Variants in IQCM observed in about 807,000 individuals in gnomAD.
IQCM encodes the protein IQ motif containing M.
In IQCM, 45 loss-of-function variants were observed where a neutral mutation model predicts 57.6. That is an observed-to-expected ratio of 0.78 (90% CI 0.62 to 1.00). IQCM has a LOEUF of 1.00. Among genes scored for constraint, IQCM ranks in the 50% least tolerant of loss-of-function variants. IQCM has a pLI of 0.00. For synonymous variants in IQCM, 148 were observed against 158.9 expected (o/e 0.93, Z 0.51); for missense variants, 468 against 511.6 (o/e 0.91, Z 0.82).
intron 12 of IQCM, among the ~76,000 whole-genome samples, chr4:149,454,337 G>A (rs889796072): frequency 6.6e-6 from 1 of 151,516 alleles, no homozygotes; most frequent in African/African-American, 2.4e-5. Flanking sequence ...CAGAGCTGGG[G>A]GCCATTATCC....
At chr4:149,555,753 G>A (rs1055431565) in intron 10 of IQCM, among the ~76,000 whole-genome samples, 1 of 152,140 alleles carries the variant, frequency 6.6e-6, no homozygotes, top group African/African-American at 2.4e-5. Flanking sequence ...AACCTGAATA[G>A]AAAAGTTCCC....
At position 149,658,030 on chromosome 4, in the gene IQCM, T is replaced by A. The variant is rs190993579; in HGVS notation, c.565+24088A>T. On this transcript the variant is annotated intron_variant, in intron 7 of 13. Transcript: ENST00000636793. ...AAAGCTTTTCAATTTGATGTAATCA[T>A]ATTTGGTTTTTTTTTGCTTTTGTTC... is the stretch of plus-strand genomic sequence containing the variant. Among the ~76,000 whole-genome samples, 86 of 152,176 alleles carry A rather than the reference T, an allele frequency of 5.7e-4. 3 individuals are homozygous for A. Among genetic ancestry groups the A allele is most frequent in the African/African-American group, 2.0e-3 (81 of 41,520 alleles).
intron 13 of IQCM, among the ~76,000 whole-genome samples, chr4:149,369,731 G>T (rs1252625805): frequency 6.6e-6 from 1 of 152,060 alleles, no homozygotes; most frequent in Non-Finnish European, 1.5e-5. Flanking sequence ...CAGCAAAGAA[G>T]GTTCAAACCA....
chr4:149,728,097 T>C (rs1411547211), intron 5 of IQCM, among the ~76,000 whole-genome samples: 1 of 152,214 alleles, frequency 6.6e-6, no homozygotes, highest in Non-Finnish European at 1.5e-5. Flanking sequence ...TCTGTTCTTA[T>C]ACAGTCTCAG....
At chr4:149,802,836 C>G (rs908688909) in intron 2 of IQCM, among the ~76,000 whole-genome samples, 7 of 151,872 alleles carry the variant, frequency 4.6e-5, no homozygotes, top group Non-Finnish European at 1.0e-4. Flanking sequence ...TCTGGTAATT[C>G]TTAACACCCC....
intron 5 of IQCM, among the ~76,000 whole-genome samples, chr4:149,712,426 A>G (rs1397300605): frequency 6.6e-6 from 1 of 151,942 alleles, no homozygotes; most frequent in Non-Finnish European, 1.5e-5. Context: ...TAACAGAAGT[A>G]CCCCCTCCAT....
intron 12 of IQCM, among the ~76,000 whole-genome samples, chr4:149,543,454 C>A (rs188467896): frequency 6.6e-6 from 1 of 151,734 alleles, no homozygotes; most frequent in Non-Finnish European, 1.5e-5. Context: ...TGAGAATATG[C>A]GGTGTTTGGT....
rs747635374 is a variant in IQCM, at chr4:149,618,415, GA to G, written c.681+2713del. 3.4e-4 allele frequency among the ~76,000 whole-genome samples: 52 copies of G among 152,088 alleles called. No homozygotes were observed. The Middle Eastern group carries it at 0.014, about 40-fold the overall frequency. The stretch of plus-strand genomic sequence containing the variant: ...ATAAAAATCCTAGAAGAAAACCTAG[GA>G]AAAAGTCTTCTGGACATTGGCCTAG... On this transcript the variant is annotated intron_variant, in intron 8 of 13. Transcript: ENST00000636793.
At chr4:149,752,324 G>T (rs546261492) in intron 2 of IQCM, among the ~76,000 whole-genome samples, 49 of 152,240 alleles carry the variant, frequency 3.2e-4, no homozygotes, top group African/African-American at 1.1e-3. Flanking sequence ...GGCTGAGGAA[G>T]GTGGATCACC....
intron 12 of IQCM, among the ~76,000 whole-genome samples, chr4:149,514,020 T>C (rs1744694752): frequency 6.6e-6 from 1 of 152,124 alleles, no homozygotes; most frequent in South Asian, 2.1e-4. Context: ...TTATGTTTGT[T>C]TTATGTGTCA....
At chr4:149,405,670 T>TGCTTCTGAAATAGCTCTGAATA (rs1191929303) in intron 13 of IQCM, among the ~76,000 whole-genome samples, 1 of 151,850 alleles carries the variant, frequency 6.6e-6, no homozygotes, top group African/African-American at 2.4e-5. Flanking sequence ...TGTTGAAATA[T>TGCTTCTGAAATAGCTCTGAATA]GCTTCTGAAA....
chr4:149,657,504 C>T, intron 7 of IQCM, among the ~76,000 whole-genome samples: 1 of 152,078 alleles, frequency 6.6e-6, no homozygotes, highest in East Asian at 1.9e-4. Flanking sequence ...AGACAGAATT[C>T]ATCTCCTGTG....
At chr4:149,571,030 C>T (rs955248253) in intron 9 of IQCM, among the ~76,000 whole-genome samples, 1 of 151,954 alleles carries the variant, frequency 6.6e-6, no homozygotes, top group Non-Finnish European at 1.5e-5. Flanking sequence ...ACAGGGAACC[C>T]CTGCACACTG....
chr4:149,376,385 A>T (rs1730701266), intron 13 of IQCM, among the ~76,000 whole-genome samples: 1 of 152,130 alleles, frequency 6.6e-6, no homozygotes, highest in Non-Finnish European at 1.5e-5. Flanking sequence ...GGGATTTTAT[A>T]AAAAGACTGA....
At chr4:149,511,006 A>C (rs1251201072) in intron 12 of IQCM, among the ~76,000 whole-genome samples, 1 of 152,144 alleles carries the variant, frequency 6.6e-6, no homozygotes, top group African/African-American at 2.4e-5. Flanking sequence ...TAAACTTTTG[A>C]GTTTCTTTCC....
At chr4:149,520,377 C>G (rs1661188803) in intron 12 of IQCM, among the ~76,000 whole-genome samples, 1 of 152,024 alleles carries the variant, frequency 6.6e-6, no homozygotes, top group Non-Finnish European at 1.5e-5. Context: ...GGGTGGTTCA[C>G]CATTTTGCCT....
At chr4:149,760,727 A>C (rs1023332422) in intron 2 of IQCM, among the ~76,000 whole-genome samples, 16 of 152,142 alleles carry the variant, frequency 1.1e-4, no homozygotes, top group African/African-American at 3.1e-4. Context: ...GAGATACATC[A>C]GAACAGAGTA....
At chr4:149,555,579 G>C (rs1455262507) in intron 10 of IQCM, among the ~76,000 whole-genome samples, 3 of 152,158 alleles carry the variant, frequency 2.0e-5, no homozygotes, top group African/African-American at 7.2e-5. Context: ...GGATTTGGCT[G>C]GATTACTGGG....
chr4:149,791,767 G>T (rs1772640129), intron 2 of IQCM, among the ~76,000 whole-genome samples: 1 of 152,092 alleles, frequency 6.6e-6, no homozygotes, highest in Non-Finnish European at 1.5e-5. Context: ...TTTAGATGAA[G>T]AGCGTCTAAT....
Sources: gnomAD v4.1 joint callset for allele counts (sites outside exome capture counted in the v4.1 genomes callset) on GRCh38, gnomAD v4.1.1 for gene constraint, MANE v1.5 for transcripts, NCBI Gene and HGNC (gene_info 2026-07-23, HGNC 2026-07-21) for gene names.